The following ADAMTS17 variants were observed in gnomAD, a reference collection of about 807,000 sequenced individuals.
The protein encoded by ADAMTS17 is A disintegrin and metalloproteinase with thrombospondin motifs 17.
ADAMTS17 carries 113 observed loss-of-function variants against 141.5 expected under a neutral mutation model. The ratio of observed to expected loss-of-function variants is 0.80; its 90% confidence interval spans 0.69 to 0.93. The LOEUF (loss-of-function observed/expected upper bound fraction) is 0.93. ADAMTS17 is among the 40% of genes least tolerant of loss of function. ADAMTS17 has a pLI of 0.00. For missense variants in ADAMTS17, 1,659 were observed against 1,517.9 expected, an observed-to-expected ratio of 1.09 and a Z score of -1.54; for synonymous variants, 768 against 630.6, an observed-to-expected ratio of 1.22 and a Z score of -3.27.
At chr15:100,172,049 G>C (rs2040180693) in intron 8 of ADAMTS17, among the ~76,000 whole-genome samples, 1 of 152,168 alleles carries the variant, frequency 6.6e-6, no homozygotes, top group Non-Finnish European at 1.5e-5. Flanking sequence ...CAGGCTCTCA[G>C]ACCATTCATG....
In ADAMTS17 at chr15:100,103,344, C is replaced by A. The variant is rs117090710; in HGVS notation, c.2016+5645G>T. 3.2e-4 allele frequency among the ~76,000 whole-genome samples: 49 copies of A among 152,330 alleles called. 1 individual carries two copies. The East Asian group carries it at 8.3e-3, about 26-fold the overall frequency. On this transcript the variant is annotated intron_variant, in intron 14 of 21. Transcript: ENST00000268070. Reference sequence around the variant, plus strand: ...CAAACCCAGGCTTAAGTGCCAGGCACGCTTTCCTGCAGGCTTGTTACCTCT... The same window carrying A: ...CAAACCCAGGCTTAAGTGCCAGGCAAGCTTTCCTGCAGGCTTGTTACCTCT...
intron 10 of ADAMTS17, among the ~76,000 whole-genome samples, chr15:100,136,874 C>T (rs1354506476): frequency 1.3e-5 from 2 of 152,172 alleles, no homozygotes; most frequent in Non-Finnish European, 2.9e-5. Context: ...TACACCAGAA[C>T]ACTCTTTGGG....
At chr15:100,231,178 G>C (rs1273000127) in intron 7 of ADAMTS17, among the ~76,000 whole-genome samples, 2 of 152,140 alleles carry the variant, frequency 1.3e-5, no homozygotes, top group African/African-American at 4.8e-5. Flanking sequence ...ATTATTTTCA[G>C]GACCGTGTTA....
chr15:100,291,171 T>A (rs1315718316), intron 3 of ADAMTS17, among the ~76,000 whole-genome samples: 2 of 152,070 alleles, frequency 1.3e-5, no homozygotes, highest in Non-Finnish European at 2.9e-5. Context: ...CAAATCCCAT[T>A]AAAAAGTGGG....
At chr15:100,303,778 G>A (rs924531712) in intron 3 of ADAMTS17, among the ~76,000 whole-genome samples, 4 of 152,132 alleles carry the variant, frequency 2.6e-5, no homozygotes, top group African/African-American at 9.7e-5. Flanking sequence ...GGAGTGCAGT[G>A]GTGTGATCTC....
chr15:100,021,149 C>A (rs2061400106), intron 18 of ADAMTS17, among the ~76,000 whole-genome samples: 1 of 152,188 alleles, frequency 6.6e-6, no homozygotes, highest in Non-Finnish European at 1.5e-5. Context: ...TGACTCTCCA[C>A]CTGGGAGGCT....
chr15:100,276,978 TG>T (rs2044119444), intron 4 of ADAMTS17, among the ~76,000 whole-genome samples: 1 of 152,072 alleles, frequency 6.6e-6, no homozygotes, highest in Admixed American at 6.6e-5. Flanking sequence ...TACTTAATGG[TG>T]GTCCAGGGCT....
chr15:100,104,652 T>C (rs1008873631), intron 14 of ADAMTS17, among the ~76,000 whole-genome samples: 2 of 152,216 alleles, frequency 1.3e-5, no homozygotes, highest in African/African-American at 2.4e-5. Flanking sequence ...CACGGCAATA[T>C]TTCTGTGAGT....
At chr15:100,112,245 G>C (rs1030693922) in intron 13 of ADAMTS17, among the ~76,000 whole-genome samples, 2 of 152,152 alleles carry the variant, frequency 1.3e-5, no homozygotes, top group African/African-American at 4.8e-5. Flanking sequence ...ACGAAGGAAC[G>C]CTCAGCTCCA....
Position 99,978,435 on chromosome 15 carries a change from G to A in ADAMTS17, c.2950-2213C>T, listed in dbSNP as rs373156362. 9 of 152,342 alleles carry A rather than the reference G, an allele frequency of 5.9e-5. No homozygotes were observed. In the South Asian group the frequency reaches 1.0e-3, roughly 18 times the overall value. 9.4% of individuals were successfully genotyped at this position (152,342 alleles called of 1,614,324 possible). The stretch of plus-strand genomic sequence containing the variant: ...AGTGGGCCCCCGGCACGTTCAAACT[G>A]GAACCCGGGCTCTGACCCGAGAGGC... On this transcript the variant is annotated intron_variant, in intron 20 of 21. Transcript: ENST00000268070.
At chr15:100,078,549 C>G (rs1179160162) in intron 15 of ADAMTS17, among the ~76,000 whole-genome samples, 1 of 144,330 alleles carries the variant, frequency 6.9e-6, no homozygotes, top group Non-Finnish European at 1.5e-5. Context: ...CTATTTCAGA[C>G]CATACAAAAA....
At chr15:100,145,859 A>G (rs1453595420) in intron 10 of ADAMTS17, among the ~76,000 whole-genome samples, 1 of 152,228 alleles carries the variant, frequency 6.6e-6, no homozygotes, top group Non-Finnish European at 1.5e-5. Context: ...TCTTTAACGC[A>G]TCACATTCTG....
chr15:100,170,255 T>C (rs574774995), intron 8 of ADAMTS17, among the ~76,000 whole-genome samples: 5 of 152,194 alleles, frequency 3.3e-5, no homozygotes, highest in Non-Finnish European at 7.3e-5. Context: ...AGGAGACTGC[T>C]GCAGAATGGT....
In ADAMTS17 at chr15:100,048,949, C is replaced by G. The variant is rs117133620; in HGVS notation, c.2499G>C (p.Lys833Asn). 1.2e-6 allele frequency: 2 copies of G among 1,614,182 alleles called. No homozygotes were observed. The highest frequency in any genetic ancestry group is 1.7e-6 in the Non-Finnish European group (2 of 1,180,042). ...CACTGTCGTTCACCAGAGTTGTGGT[C>G]TTGTTGACAATCCGTGTACACGAGA... ...TIVSCTRIVNKTTTLVNDSDC... is the reference protein window; with the variant it reads ...TIVSCTRIVNNTTTLVNDSDC... Residue 833 changes from lysine to asparagine, a missense_variant, in exon 18 of 22, where the codon AAG (lysine) becomes AAC (asparagine). Transcript: ENST00000268070.
chr15:100,199,952 G>A (rs886797540), intron 7 of ADAMTS17, among the ~76,000 whole-genome samples: 11 of 152,224 alleles, frequency 7.2e-5, no homozygotes, highest in Admixed American at 3.9e-4. Flanking sequence ...CGTGAGCCGG[G>A]GTCTGTGCTG....
chr15:100,072,841 G>A (rs1259983921), intron 15 of ADAMTS17, among the ~76,000 whole-genome samples: 2 of 152,156 alleles, frequency 1.3e-5, no homozygotes, highest in South Asian at 2.1e-4. Context: ...CAGGACATAA[G>A]CATGGGGAAG....
intron 12 of ADAMTS17, among the ~76,000 whole-genome samples, chr15:100,126,663 A>T (rs1268176848): frequency 6.6e-6 from 1 of 152,206 alleles, no homozygotes; most frequent in Non-Finnish European, 1.5e-5. Context: ...TTTGTGTTTC[A>T]GTGAAAAAAT....
chr15:100,210,581 G>A (rs2041767781), intron 7 of ADAMTS17, among the ~76,000 whole-genome samples: 1 of 152,204 alleles, frequency 6.6e-6, no homozygotes, highest in African/African-American at 2.4e-5. Flanking sequence ...CCGCAAGCTG[G>A]CAGCCACAGA....
At position 100,109,132 on chromosome 15, in the gene ADAMTS17, T is replaced by G. The variant is rs2036586084; in HGVS notation, c.1889-16A>C. The G allele has an allele frequency of 6.3e-7, 1 of 1,598,666 alleles. No individual in the cohort carries two copies. The highest frequency in any genetic ancestry group is 8.5e-7 in the Non-Finnish European group (1 of 1,172,646). On this transcript the variant is annotated splice_polypyrimidine_tract_variant and intron_variant, in intron 13 of 21. Transcript: ENST00000268070. ...CATGGCTTATCTGAGGAGGGAAAGG[T>G]TGGAGGACGTTGACACGGGAAGGTG...
Sources: gnomAD v4.1 joint callset for allele counts (sites outside exome capture counted in the v4.1 genomes callset) on GRCh38, gnomAD v4.1.1 for gene constraint, MANE v1.5 for transcripts, NCBI Gene and HGNC (gene_info 2026-07-23, HGNC 2026-07-21) for gene names.